Variants in QDPR observed in about 807,000 individuals in gnomAD.
QDPR encodes the protein quinoid dihydropteridine reductase.
In QDPR, 23 loss-of-function variants were observed where a neutral mutation model predicts 31.7. That is an observed-to-expected ratio of 0.73 (90% CI 0.52 to 1.03). The LOEUF is 1.03. QDPR is among the 50% of genes least tolerant of loss of function. The pLI, the probability that QDPR is intolerant of heterozygous loss-of-function variation, is 0.00. For missense variants in QDPR, 324 were observed against 323.8 expected (o/e 1.00, Z 0.00); for synonymous variants, 124 against 124.7 (o/e 0.99, Z 0.03).
At chr4:17,494,328 G>A (rs1215992786) in intron 4 of QDPR, among the ~76,000 whole-genome samples, 1 of 152,166 alleles carries the variant, frequency 6.6e-6, no homozygotes, top group Non-Finnish European at 1.5e-5. Flanking sequence ...CAGTCACCAA[G>A]TCAGGTGAAA....
chr4:17,499,236 T>C (rs1718474010), intron 4 of QDPR, among the ~76,000 whole-genome samples: 3 of 152,188 alleles, frequency 2.0e-5, no homozygotes, highest in African/African-American at 7.2e-5. Flanking sequence ...TCACAGTAAG[T>C]GGCAGAGCCT....
intron 2 of QDPR, among the ~76,000 whole-genome samples, chr4:17,508,297 G>A (rs1219801861): frequency 6.6e-6 from 1 of 152,180 alleles, no homozygotes; most frequent in East Asian, 1.9e-4. Context: ...AAGTTAGCTG[G>A]GCATTGGGGT....
At chr4:17,501,642 A>C in intron 4 of QDPR, 77 bp downstream of exon 4, 1 of 1,550,994 alleles carries the variant, frequency 6.4e-7, no homozygotes, top group South Asian at 1.1e-5. Flanking sequence ...AACAGTCCTC[A>C]TCCCATGAAA....
At position 17,487,146 on chromosome 4, in the gene QDPR, G is replaced by A. The variant is rs1331338140; in HGVS notation, c.720C>T (p.Thr240=). 6 of 1,613,986 alleles carry A rather than the reference G, an allele frequency of 3.7e-6. No homozygotes were observed. Among genetic ancestry groups the A allele is most frequent in the Non-Finnish European group, 5.1e-6 (6 of 1,179,996 alleles). Residue 240 remains threonine (T), a synonymous_variant, in exon 7 of 7, where the codon ACC becomes ACT. Transcript: ENST00000281243. ...VVTTEGRTEL[T]PAYF The stretch of plus-strand genomic sequence containing the variant: ...GAGATGAGGCCTAAAAATATGCTGG[G>A]GTGAGTTCCGTCCTTCCTTCTGTGG...
chr4:17,506,464 T>G (rs1335845068), intron 2 of QDPR, among the ~76,000 whole-genome samples: 1 of 152,200 alleles, frequency 6.6e-6, no homozygotes, highest in Non-Finnish European at 1.5e-5. Flanking sequence ...CACATGAAAC[T>G]ATTTTGCTTT....
At chr4:17,507,413 C>T (rs551114661) in intron 2 of QDPR, among the ~76,000 whole-genome samples, 2 of 152,090 alleles carry the variant, frequency 1.3e-5, no homozygotes, top group South Asian at 2.1e-4. Flanking sequence ...GAGTCAGCTG[C>T]GCACAGTGGC....
At chr4:17,496,442 C>CAAAAAAAGAAAAAAAAAAAAA (rs1718357004) in intron 4 of QDPR, among the ~76,000 whole-genome samples, 1 of 64,608 alleles carries the variant, frequency 1.5e-5, no homozygotes, top group Non-Finnish European at 2.8e-5. Flanking sequence ...AAAACTGTCT[C>CAAAAAAAGAAAAAAAAAAAAA]AAAAAAAAAA....
At chr4:17,501,905 C>G in intron 3 of QDPR, 46 bp from the exon 4 acceptor site, 1 of 1,612,442 alleles carries the variant, frequency 6.2e-7, no homozygotes, top group Non-Finnish European at 8.5e-7. Context: ...GGAAAGAAAC[C>G]AAAAGGTGAG....
At chr4:17,504,777 T>TA (rs111520970) in intron 2 of QDPR, among the ~76,000 whole-genome samples, 7,544 of 148,180 alleles carry the variant, frequency 0.051, 251 homozygotes, top group African/African-American at 0.092. Context: ...AGGGAAAGGT[T>TA]AAAAAAAAAA....
chr4:17,492,739 A>G (rs992190026), intron 4 of QDPR, among the ~76,000 whole-genome samples: 1 of 152,242 alleles, frequency 6.6e-6, no homozygotes, highest in African/African-American at 2.4e-5. Flanking sequence ...AACATTTATT[A>G]CAAAAGCCAG....
chr4:17,490,770 T>A, intron 5 of QDPR, 25 bp from the exon 6 acceptor site: 5 of 1,585,860 alleles, frequency 3.2e-6, no homozygotes, highest in Non-Finnish European at 4.3e-6. Flanking sequence ...GATAAGCACG[T>A]CATTCATGTC....
intron 1 of QDPR, 22 bp from the exon 2 acceptor site, chr4:17,509,385 G>T: frequency 1.3e-6 from 2 of 1,599,702 alleles, no homozygotes; most frequent in South Asian, 2.2e-5. Context: ...AAACAGCTTT[G>T]GTTAAGAGGC....
rs181099321 is a variant in QDPR at position 17,505,334 on chromosome 4, C to T, written c.199-859G>A. Among the ~76,000 whole-genome samples, 52 of 151,188 alleles carry T rather than the reference C, an allele frequency of 3.4e-4. 1 individual carries two copies. The East Asian group carries it at 8.4e-3, about 24-fold the overall frequency. On this transcript the variant is annotated intron_variant, in intron 2 of 6. Transcript: ENST00000281243. The stretch of plus-strand genomic sequence containing the variant: ...CCATCTCGGCTCACTGCAACCTCCA[C>T]CTCCCCGGTTCAAGCGAATCTCCTG...
intron 2 of QDPR, among the ~76,000 whole-genome samples, chr4:17,506,247 A>G (rs1718782709): frequency 6.6e-6 from 1 of 152,058 alleles, no homozygotes; most frequent in Non-Finnish European, 1.5e-5. Flanking sequence ...CTCCCACCTC[A>G]GCCTCCCGAG....
At chr4:17,508,657 A>T (rs1229053793) in intron 2 of QDPR, among the ~76,000 whole-genome samples, 3 of 151,210 alleles carry the variant, frequency 2.0e-5, no homozygotes, top group Non-Finnish European at 4.4e-5. Flanking sequence ...AACAAAGCTT[A>T]CCATAAACTA....
At chr4:17,510,018 T>C (rs1367906928) in intron 1 of QDPR, 1 of 455,540 alleles carries the variant, frequency 2.2e-6, no homozygotes, top group East Asian at 6.9e-5. Context: ...GGGGAAAAAA[T>C]AAGTGCAGCT....
intron 4 of QDPR, among the ~76,000 whole-genome samples, chr4:17,494,484 T>C (rs1317613230): frequency 6.6e-6 from 1 of 152,028 alleles, no homozygotes; most frequent in African/African-American, 2.4e-5. Context: ...CTGGGACCCC[T>C]CCTCCACATG....
At chr4:17,507,245 G>T (rs892679896) in intron 2 of QDPR, among the ~76,000 whole-genome samples, 7 of 152,180 alleles carry the variant, frequency 4.6e-5, no homozygotes, top group African/African-American at 1.7e-4. Flanking sequence ...TGAGTAGCTT[G>T]TTGGCCTTGT....
In QDPR at chr4:17,504,387, T is replaced by C. The variant is rs1371078094; in HGVS notation, c.287A>G (p.Lys96Arg). The C allele has an allele frequency of 2.8e-5, 45 of 1,613,706 alleles. No homozygotes were observed. Among genetic ancestry groups the C allele is most frequent in the Non-Finnish European group, 3.8e-5 (45 of 1,179,688 alleles). Residue 96 changes from lysine (K) to arginine (R), a missense_variant, in exon 3 of 7, where the codon AAA (lysine) becomes AGA (arginine). Lys to Arg is a conservative substitution (Grantham distance 26, BLOSUM62 2). Coordinates refer to ENST00000281243, the MANE Select transcript of QDPR (RefSeq NM_000320.3). ...VAGGWAGGNA[K>R]SKSLFKNCDL... ...CTCAGGAAAGGACTCACACTTGGATTTGGCATTGCCCCCGGCCCATCCTCC... is the reference window on the plus strand; with the variant it reads ...CTCAGGAAAGGACTCACACTTGGATCTGGCATTGCCCCCGGCCCATCCTCC...
Sources: gnomAD v4.1 joint callset for allele counts (sites outside exome capture counted in the v4.1 genomes callset) on GRCh38, gnomAD v4.1.1 for gene constraint, MANE v1.5 for transcripts, NCBI Gene and HGNC (gene_info 2026-07-23, HGNC 2026-07-21) for gene names.